Variants in CSMD1 observed in about 807,000 individuals in gnomAD.
The protein encoded by CSMD1 is CUB and sushi domain-containing protein 1.
Under a neutral mutation model 417.5 loss-of-function variants are expected in CSMD1, and 213 were observed. That is an observed-to-expected ratio of 0.51 (90% CI 0.46 to 0.57). The LOEUF is 0.57. Among genes scored for constraint, CSMD1 ranks in the 20% least tolerant of loss-of-function variants. The pLI is 0.00. For missense variants in CSMD1, 6,923 were observed against 4,529.7 expected, an observed-to-expected ratio of 1.53 and a Z score of -15.17; for synonymous variants, 2,862 against 1,736.8, an observed-to-expected ratio of 1.65 and a Z score of -16.11.
chr8:4,912,616 T>C (rs1354217000), intron 1 of CSMD1, among the ~76,000 whole-genome samples: 2 of 152,316 alleles, frequency 1.3e-5, no homozygotes, highest in Middle Eastern at 3.4e-3. Flanking sequence ...AGCTCAAGTT[T>C]GTTTGGCTTC....
chr8:4,023,277 C>T (rs1361615766), intron 4 of CSMD1, among the ~76,000 whole-genome samples: 1 of 152,160 alleles, frequency 6.6e-6, no homozygotes, highest in Non-Finnish European at 1.5e-5. Context: ...AACCAACTAC[C>T]CATCATTGAG....
At chr8:2,962,869 C>T (rs574510380) in intron 60 of CSMD1, among the ~76,000 whole-genome samples, 4 of 152,210 alleles carry the variant, frequency 2.6e-5, no homozygotes, top group Admixed American at 6.5e-5. Context: ...GGCAACATGG[C>T]GAAACCTATG....
intron 2 of CSMD1, among the ~76,000 whole-genome samples, chr8:4,549,240 A>G (rs780751041): frequency 3.3e-5 from 5 of 152,194 alleles, no homozygotes; most frequent in Admixed American, 6.5e-5. Flanking sequence ...CAACCCTACC[A>G]TATTCCAGAA....
chr8:3,291,024 T>C (rs919570500), intron 25 of CSMD1, among the ~76,000 whole-genome samples: 1 of 152,202 alleles, frequency 6.6e-6, no homozygotes, highest in Non-Finnish European at 1.5e-5. Context: ...TTTGAGAGTT[T>C]TTAGCATGAA....
At chr8:4,345,743 A>C (rs975894167) in intron 3 of CSMD1, among the ~76,000 whole-genome samples, 3 of 152,224 alleles carry the variant, frequency 2.0e-5, no homozygotes, top group East Asian at 3.9e-4. Context: ...TGCAAATCAG[A>C]ACTATAATGT....
intron 1 of CSMD1, among the ~76,000 whole-genome samples, chr8:4,779,836 C>G (rs537276222): frequency 2.0e-5 from 3 of 152,246 alleles, no homozygotes; most frequent in South Asian, 4.1e-4. Flanking sequence ...TAAGCAGCAT[C>G]TTCCACTTCC....
chr8:4,954,178 A>G (rs557378324), intron 1 of CSMD1, among the ~76,000 whole-genome samples: 1 of 152,348 alleles, frequency 6.6e-6, no homozygotes, highest in East Asian at 1.9e-4. Context: ...TTTAGAAATA[A>G]ACAAACAGAA....
At chr8:3,788,846 TG>T (rs1318076088) in intron 5 of CSMD1, among the ~76,000 whole-genome samples, 32 of 152,314 alleles carry the variant, frequency 2.1e-4, no homozygotes, top group African/African-American at 7.0e-4. Context: ...ACTAACATTC[TG>T]GGGTAGAAAT....
At chr8:4,890,651 G>T (rs966203703) in intron 1 of CSMD1, among the ~76,000 whole-genome samples, 1 of 152,004 alleles carries the variant, frequency 6.6e-6, no homozygotes, top group Non-Finnish European at 1.5e-5. Flanking sequence ...TCCTGGGCAG[G>T]ACAGATGAGA....
intron 5 of CSMD1, among the ~76,000 whole-genome samples, chr8:3,796,468 GTATA>G: frequency 7.4e-6 from 1 of 134,938 alleles, no homozygotes; most frequent in Admixed American, 7.7e-5. Flanking sequence ...TATCTATCAT[GTATA>G]TAGATATCTA....
intron 3 of CSMD1, among the ~76,000 whole-genome samples, chr8:4,336,682 C>T (rs557524164): frequency 2.6e-5 from 4 of 152,180 alleles, no homozygotes; most frequent in East Asian, 1.9e-4. Flanking sequence ...CATAGTCCTT[C>T]GAAGACAAAG....
chr8:3,083,656 T>A (rs1460518538), intron 49 of CSMD1, among the ~76,000 whole-genome samples: 178 of 41,364 alleles, frequency 4.3e-3, no homozygotes, highest in African/African-American at 7.9e-3. Flanking sequence ...ATATTTTTTT[T>A]TTTTTTTTTT....
At chr8:3,960,739 A>G in intron 5 of CSMD1, among the ~76,000 whole-genome samples, 1 of 152,058 alleles carries the variant, frequency 6.6e-6, no homozygotes, top group Admixed American at 6.5e-5. Flanking sequence ...ATTCATTTTT[A>G]TAATTAATTG....
At chr8:4,043,108 G>A (rs949617545) in intron 3 of CSMD1, among the ~76,000 whole-genome samples, 4 of 152,024 alleles carry the variant, frequency 2.6e-5, no homozygotes, top group African/African-American at 7.2e-5. Flanking sequence ...CTTCCAGCCT[G>A]GGTGAGACAG....
intron 7 of CSMD1, among the ~76,000 whole-genome samples, chr8:3,620,229 C>G (rs773784121): frequency 9.2e-5 from 14 of 152,074 alleles, no homozygotes; most frequent in Non-Finnish European, 1.3e-4. Flanking sequence ...TTAAGACACT[C>G]CCAGATAATC....
At chr8:4,903,103 C>A (rs1805002862) in intron 1 of CSMD1, among the ~76,000 whole-genome samples, 1 of 151,996 alleles carries the variant, frequency 6.6e-6, no homozygotes, top group Non-Finnish European at 1.5e-5. Flanking sequence ...CACTGTTCCA[C>A]TGATATGAAC....
chr8:4,114,660 C>A (rs552467916), intron 3 of CSMD1, among the ~76,000 whole-genome samples: 1 of 152,132 alleles, frequency 6.6e-6, no homozygotes, highest in Non-Finnish European at 1.5e-5. Flanking sequence ...TTGCTAGATG[C>A]CATTAAGAAA....
At chr8:4,354,183 T>A (rs1801262815) in intron 3 of CSMD1, among the ~76,000 whole-genome samples, 1 of 152,192 alleles carries the variant, frequency 6.6e-6, no homozygotes, top group Non-Finnish European at 1.5e-5. Context: ...AAACAACATG[T>A]CCACAAGCAC....
At chr8:3,263,721 C>G (rs545994251) in intron 26 of CSMD1, among the ~76,000 whole-genome samples, 1 of 151,988 alleles carries the variant, frequency 6.6e-6, no homozygotes, top group East Asian at 1.9e-4. Flanking sequence ...ATCACTTATC[C>G]CAATTAAGTT....
Sources: allele counts gnomAD v4.1 joint callset (sites outside exome capture counted in the v4.1 genomes callset), GRCh38; gene constraint gnomAD v4.1.1; transcripts MANE v1.5; gene names NCBI Gene and HGNC (gene_info 2026-07-23, HGNC 2026-07-21).